Variants in PCNX1 observed in about 807,000 individuals in gnomAD.
The protein encoded by PCNX1 is pecanex 1.
Under a neutral mutation model 242.2 loss-of-function variants are expected in PCNX1, and 78 were observed. The observed-to-expected ratio is 0.32, with a 90% confidence interval of 0.27 to 0.39. The LOEUF is 0.39. PCNX1 is among the 10% of genes least tolerant of loss of function. The pLI, the probability that PCNX1 is intolerant of heterozygous loss-of-function variation, is 1.00. For synonymous variants in PCNX1, 1,024 were observed against 1,032.9 expected, an observed-to-expected ratio of 0.99 and a Z score of 0.17; for missense variants, 2,581 against 2,856.5, an observed-to-expected ratio of 0.90 and a Z score of 2.20.
At position 70,969,058 on chromosome 14, in the gene PCNX1, T is replaced by C. The variant is rs1318753921; in HGVS notation, c.552T>C (p.Ser184=). Residue 184 remains serine, a synonymous_variant, in exon 5 of 36, where the codon AGT becomes AGC. Transcript: ENST00000304743. ...CTGCTAAGACTTCTGATGATATCAGTTTAAGTCTGGGCCAAAGTTCTAGTC... is the reference window on the plus strand; with the variant it reads ...CTGCTAAGACTTCTGATGATATCAGCTTAAGTCTGGGCCAAAGTTCTAGTC... ...TDTAKTSDDI[S]LSLGQSSSLC... is the part of the protein sequence containing the mutation. 11 of 1,611,098 alleles carry C rather than the reference T, an allele frequency of 6.8e-6. No individual in the cohort carries two copies. The highest frequency in any genetic ancestry group is 9.3e-6 in the Non-Finnish European group (11 of 1,177,506).
rs59893383 is a variant in PCNX1, at chr14:70,933,347, A to G, written c.154-13568A>G. 3.2e-3 allele frequency among the ~76,000 whole-genome samples: 494 copies of G among 152,330 alleles called. 3 individuals carry two copies. The highest frequency in any genetic ancestry group is 0.011 in the African/African-American group (474 of 41,560). On this transcript the variant is annotated intron_variant, in intron 1 of 35. Coordinates refer to ENST00000304743, the MANE Select transcript of PCNX1 (RefSeq NM_014982.3). The stretch of plus-strand genomic sequence containing the variant: ...TAGAGAAGAAAATAATTTTTCATTT[A>G]GAGTAGAGATCAGCAAACTATGGCC...
chr14:71,001,613 T>A (rs2059508243), intron 8 of PCNX1, among the ~76,000 whole-genome samples: 1 of 152,232 alleles, frequency 6.6e-6, no homozygotes, highest in African/African-American at 2.4e-5. Context: ...CTTGCTAGTA[T>A]GTTGTAAAGA....
intron 1 of PCNX1, among the ~76,000 whole-genome samples, chr14:70,918,039 C>G (rs1006093891): frequency 1.3e-5 from 2 of 152,194 alleles, no homozygotes; most frequent in Non-Finnish European, 2.9e-5. Flanking sequence ...CACCTCTTAG[C>G]CTTCATAGAA....
intron 28 of PCNX1, among the ~76,000 whole-genome samples, chr14:71,086,817 G>A (rs1202115695): frequency 1.3e-5 from 2 of 152,126 alleles, no homozygotes; most frequent in Non-Finnish European, 2.9e-5. Flanking sequence ...AAACTCTCTA[G>A]GTAATAAGCT....
Position 71,013,018 on chromosome 14 carries a change from T to C in PCNX1, c.2812T>C (p.Leu938=). The C allele has an allele frequency of 6.2e-7, 1 of 1,614,090 alleles. No homozygotes were observed. The highest frequency in any genetic ancestry group is 8.5e-7 in the Non-Finnish European group (1 of 1,179,930). ...SLPQIRLNRL[L]TIDTDLLEQQ... ...CCCACAGATTCGATTGAATAGACTA[T>C]TGACCATTGATACAGATTTGTTGGA... The change falls in exon 11 of 36, where the codon TTG becomes CTG. Residue 938 remains leucine, a synonymous_variant. Coordinates refer to ENST00000304743, the MANE Select transcript of PCNX1 (RefSeq NM_014982.3).
At chr14:71,001,227 G>A (rs1392414681) in intron 8 of PCNX1, among the ~76,000 whole-genome samples, 1 of 152,152 alleles carries the variant, frequency 6.6e-6, no homozygotes, top group Non-Finnish European at 1.5e-5. Context: ...TGTGCTGAAT[G>A]TCCATTACAT....
chr14:70,920,677 C>G (rs1002749818), intron 1 of PCNX1, among the ~76,000 whole-genome samples: 1 of 152,160 alleles, frequency 6.6e-6, no homozygotes, highest in African/African-American at 2.4e-5. Context: ...GGACACCTGT[C>G]TCTTGGCTCT....
chr14:71,103,800 G>T, intron 32 of PCNX1, 131 bp downstream of exon 32: 1 of 692,156 alleles, frequency 1.4e-6, no homozygotes. Flanking sequence ...CATTATTTCT[G>T]AACTTCAAGA....
At chr14:70,971,474 A>G (rs1224033633) in intron 5 of PCNX1, among the ~76,000 whole-genome samples, 2 of 152,194 alleles carry the variant, frequency 1.3e-5, no homozygotes, top group East Asian at 3.8e-4. Context: ...TTATCATGCA[A>G]CATTTTTCCA....
chr14:71,065,046 CTTTGCTGTTG>C (rs2061414925), intron 26 of PCNX1, among the ~76,000 whole-genome samples: 2 of 152,216 alleles, frequency 1.3e-5, no homozygotes, highest in Admixed American at 6.5e-5. Context: ...GGCTCCAAGT[CTTTGCTGTTG>C]TTAACAGTGC....
intron 26 of PCNX1, among the ~76,000 whole-genome samples, chr14:71,062,088 C>T (rs925314239): frequency 1.7e-4 from 26 of 152,156 alleles, no homozygotes; most frequent in African/African-American, 6.0e-4. Flanking sequence ...GCATTATCTG[C>T]ATACAACAAG....
intron 3 of PCNX1, among the ~76,000 whole-genome samples, chr14:70,967,443 C>G (rs934865705): frequency 2.6e-5 from 4 of 152,040 alleles, no homozygotes; most frequent in African/African-American, 9.7e-5. Context: ...GTTATGTTAT[C>G]TTTGGTTTCC....
intron 19 of PCNX1, 137 bp from the exon 20 acceptor site, chr14:71,044,996 G>A (rs1449865035): frequency 4.9e-6 from 3 of 613,568 alleles, no homozygotes; most frequent in African/African-American, 1.9e-5. Flanking sequence ...AATGTTAACT[G>A]TAGAAAAATG....
chr14:71,012,699 G>C (rs1306329467), intron 10 of PCNX1: 4 of 346,648 alleles, frequency 1.2e-5, no homozygotes. Context: ...CGGGCATGGT[G>C]GCAGGTGCCT....
intron 16 of PCNX1, among the ~76,000 whole-genome samples, chr14:71,029,881 C>T (rs1020001084): frequency 2.6e-5 from 4 of 152,130 alleles, no homozygotes; most frequent in African/African-American, 9.7e-5. Flanking sequence ...TCTTCTTACC[C>T]ACATTGTATG....
At chr14:70,959,236 A>G (rs934978225) in intron 2 of PCNX1, among the ~76,000 whole-genome samples, 38 of 139,834 alleles carry the variant, frequency 2.7e-4, no homozygotes, top group African/African-American at 8.1e-4. Flanking sequence ...TTTTTTTTTA[A>G]TTATTATTAT....
intron 8 of PCNX1, 87 bp from the exon 9 acceptor site, chr14:71,009,547 A>T: frequency 2.9e-6 from 2 of 683,512 alleles, no homozygotes; most frequent in South Asian, 3.0e-5. Flanking sequence ...TTTTCTTAAG[A>T]TGTAGAAACT....
Position 71,051,024 on chromosome 14 carries a change from C to T in PCNX1, c.4447+264C>T, listed in dbSNP as rs867480029. 7.3e-5 allele frequency among the ~76,000 whole-genome samples: 11 copies of T among 149,832 alleles called. No homozygotes were observed. The South Asian group carries it at 8.4e-4, about 11-fold the overall frequency. The stretch of plus-strand genomic sequence containing the variant: ...TCTCCACTGAAAATACTAAATGAGC[C>T]GGGTGTGGTGGCACATGCCTGTAAT... On this transcript the variant is annotated intron_variant, in intron 23 of 35. Coordinates refer to ENST00000304743, the MANE Select transcript of PCNX1 (RefSeq NM_014982.3).
intron 3 of PCNX1, among the ~76,000 whole-genome samples, chr14:70,967,331 T>G (rs990496418): frequency 1.3e-5 from 2 of 152,234 alleles, no homozygotes; most frequent in African/African-American, 4.8e-5. Context: ...TGAATGTTCT[T>G]AATTTTATTT....
Sources: allele counts gnomAD v4.1 joint callset (sites outside exome capture counted in the v4.1 genomes callset), GRCh38; gene constraint gnomAD v4.1.1; transcripts MANE v1.5; gene names NCBI Gene and HGNC (gene_info 2026-07-23, HGNC 2026-07-21).